RIC1: variants seen among roughly 807,000 people sequenced by gnomAD.
RIC1 encodes guanine nucleotide exchange factor subunit RIC1.
Under a neutral mutation model 169.0 loss-of-function variants are expected in RIC1, and 88 were observed. The ratio of observed to expected loss-of-function variants is 0.52; its 90% CI spans 0.44 to 0.62. RIC1 has a LOEUF of 0.62. Ranked by LOEUF, RIC1 falls within the 20% of genes least tolerant of loss-of-function variation. RIC1 has a pLI of 0.00. For missense variants in RIC1, 1,877 were observed against 1,725.5 expected (o/e 1.09, Z -1.56); for synonymous variants, 790 against 601.5 (o/e 1.31, Z -4.59).
intron 3 of RIC1, among the ~76,000 whole-genome samples, chr9:5,698,895 T>C (rs1387435664): frequency 6.6e-6 from 1 of 152,210 alleles, no homozygotes; most frequent in South Asian, 2.1e-4. Flanking sequence ...GTTCATTAAC[T>C]GCGAGGTTTT....
chr9:5,718,581 G>A (rs1222415377), intron 4 of RIC1, among the ~76,000 whole-genome samples: 1 of 152,102 alleles, frequency 6.6e-6, no homozygotes, highest in Non-Finnish European at 1.5e-5. Flanking sequence ...TTTCTTTAAG[G>A]CTCAAAAGTA....
chr9:5,652,092 A>C (rs958702790), intron 1 of RIC1, among the ~76,000 whole-genome samples: 6 of 150,540 alleles, frequency 4.0e-5, no homozygotes, highest in African/African-American at 1.3e-4. Flanking sequence ...TGCCAGTACC[A>C]TGGTGTTTTG....
At chr9:5,700,757 G>C (rs2130769661) in intron 3 of RIC1, among the ~76,000 whole-genome samples, 1 of 152,266 alleles carries the variant, frequency 6.6e-6, no homozygotes, top group South Asian at 2.1e-4. Context: ...AAGCTTGTGG[G>C]AAAATCGTTG....
intron 1 of RIC1, 60 bp downstream of exon 1, chr9:5,629,513 A>T (rs1586846662): frequency 6.8e-7 from 1 of 1,478,146 alleles, no homozygotes; most frequent in East Asian, 2.8e-5. Flanking sequence ...GCGCCGTCCC[A>T]CCCCCAACTT....
downstream of RIC1, among the ~76,000 whole-genome samples, chr9:5,778,190 C>A (rs560950444): frequency 6.6e-6 from 1 of 152,070 alleles, no homozygotes; most frequent in Non-Finnish European, 1.5e-5. Flanking sequence ...AGTATTGCTA[C>A]TGTAAAAAAA....
intron 2 of RIC1, among the ~76,000 whole-genome samples, chr9:5,661,377 A>G (rs1324305766): frequency 6.6e-6 from 1 of 152,156 alleles, no homozygotes; most frequent in African/African-American, 2.4e-5. Flanking sequence ...GAAGAATGTC[A>G]GTGGTAGTTT....
At chr9:5,724,847 G>A (rs1218996180) in intron 6 of RIC1, among the ~76,000 whole-genome samples, 19 of 152,150 alleles carry the variant, frequency 1.2e-4, no homozygotes. Context: ...CTGTTTATAT[G>A]CTGTATTACC....
At chr9:5,745,483 A>C (rs1825323875) in intron 10 of RIC1, among the ~76,000 whole-genome samples, 2 of 152,196 alleles carry the variant, frequency 1.3e-5, no homozygotes, top group Non-Finnish European at 2.9e-5. Context: ...TGAAGACTCT[A>C]GTCTCACAGC....
Position 5,629,525 on chromosome 9 carries a change from C to T in RIC1, c.144+72C>T, listed in dbSNP as rs1586846682. 12 of 1,462,848 alleles carry T rather than the reference C, an allele frequency of 8.2e-6. No individual in the cohort carries two copies. In the East Asian group the frequency reaches 3.3e-4, roughly 40 times the overall value. The allele number at this position is 1,462,848 out of a possible 1,614,324, so 90.6% of individuals were successfully genotyped here. ...CCGGCGCCGTCCCACCCCCAACTTC[C>T]ACCCAGAGCCTAGGACTCCTGCCCC... is the stretch of plus-strand genomic sequence containing the variant. On this transcript the variant is annotated intron_variant, in intron 1 of 25. Coordinates refer to ENST00000414202, the MANE Select transcript of RIC1 (RefSeq NM_020829.4).
At chr9:5,756,429 T>C (rs1826020873) in intron 16 of RIC1, 57 bp downstream of exon 16, 1 of 1,170,030 alleles carries the variant, frequency 8.5e-7, no homozygotes, top group East Asian at 2.8e-5. Flanking sequence ...CGTTTCTCTT[T>C]TGTAGTTTTT....
At chr9:5,684,816 C>T (rs1327516973) in intron 2 of RIC1, among the ~76,000 whole-genome samples, 2 of 152,088 alleles carry the variant, frequency 1.3e-5, no homozygotes, top group African/African-American at 4.8e-5. Flanking sequence ...AAATCTCTTT[C>T]ATCCAGATAT....
chr9:5,696,725 C>T (rs1279944819), intron 3 of RIC1, among the ~76,000 whole-genome samples: 2 of 152,092 alleles, frequency 1.3e-5, no homozygotes, highest in Non-Finnish European at 2.9e-5. Flanking sequence ...AAATAAATAC[C>T]TAGGAATAGA....
At chr9:5,686,783 A>T (rs1196399035) in intron 2 of RIC1, among the ~76,000 whole-genome samples, 2 of 152,164 alleles carry the variant, frequency 1.3e-5, no homozygotes, top group African/African-American at 4.8e-5. Context: ...ATAATAATAA[A>T]AAAAAAGAAT....
chr9:5,687,435 G>C (rs916098845), intron 2 of RIC1, among the ~76,000 whole-genome samples: 9 of 152,104 alleles, frequency 5.9e-5, no homozygotes, highest in African/African-American at 2.2e-4. Context: ...GTAGAAGCTT[G>C]TCATTGATTT....
rs371097297 is a variant in RIC1, at chr9:5,757,370, T to C, written c.1911T>C (p.Ile637=). 31 of 1,613,940 alleles carry C rather than the reference T, an allele frequency of 1.9e-5. No individual in the cohort carries two copies. The highest frequency in any genetic ancestry group is 3.3e-5 in the Admixed American group (2 of 59,998). ...AGGAGGTTTCCATGTCACGCTACAT[T>C]CCTCACCCTTTCCTGGTGGTATCTG... The part of the protein sequence containing the change: ...VLQEVSMSRY[I]PHPFLVVSVT... The change falls in exon 17 of 26, where the codon ATT becomes ATC. Residue 637 remains isoleucine, a synonymous_variant. Transcript: ENST00000414202.
chr9:5,692,779 G>A (rs1444955186), intron 3 of RIC1, among the ~76,000 whole-genome samples: 1 of 152,036 alleles, frequency 6.6e-6, no homozygotes, highest in African/African-American at 2.4e-5. Flanking sequence ...GTAAAGTTTG[G>A]TTTTGACAGT....
Position 5,775,020 on chromosome 9 carries a change from G to A in RIC1, c.*774G>A, listed in dbSNP as rs1586742794. ...AGGCACTGTTCATATTTTAGGGCTT[G>A]TATTATAATTTGCAAGGTTTTAATG... On this transcript the variant is annotated 3_prime_UTR_variant, in exon 26 of 26. Transcript: ENST00000414202. 1 of 152,316 alleles carries A rather than the reference G, an allele frequency of 6.6e-6. No individual in the cohort carries two copies. Among genetic ancestry groups the A allele is most frequent in the East Asian group, 1.9e-4 (1 of 5,188 alleles). The allele number at this position is 152,316 out of a possible 1,614,324, so 9.4% of individuals were successfully genotyped here. A position where few individuals can be genotyped will look rare whatever the true frequency, so the allele number is the denominator to read the frequency against.
chr9:5,670,735 G>T (rs1820039339), intron 2 of RIC1, among the ~76,000 whole-genome samples: 1 of 152,156 alleles, frequency 6.6e-6, no homozygotes, highest in Admixed American at 6.5e-5. Flanking sequence ...CAAGACAGAG[G>T]AATTGCAATA....
Position 5,742,834 on chromosome 9 carries a change from A to G in RIC1, c.902-35A>G, listed in dbSNP as rs371652597. The G allele has an allele frequency of 1.7e-5, 27 of 1,553,458 alleles. No individual in the cohort carries two copies. The African/African-American group carries it at 2.4e-4, about 14-fold the overall frequency. On this transcript the variant is annotated intron_variant, in intron 8 of 25. Transcript: ENST00000414202. ...AAAAACAAGTATTTCTGAAGCAACTATTTATTTTTAACTCTTCTCACTATT... is the reference window on the plus strand; with the variant it reads ...AAAAACAAGTATTTCTGAAGCAACTGTTTATTTTTAACTCTTCTCACTATT...
Sources: gnomAD v4.1 joint callset for allele counts (sites outside exome capture counted in the v4.1 genomes callset) on GRCh38, gnomAD v4.1.1 for gene constraint, MANE v1.5 for transcripts, NCBI Gene and HGNC (gene_info 2026-07-23, HGNC 2026-07-21) for gene names.